The following HTR6 variants were observed in gnomAD, a reference collection of about 807,000 sequenced individuals.
HTR6 encodes the protein 5-hydroxytryptamine (serotonin) receptor 6, G protein-coupled.
In HTR6, 15 loss-of-function variants were observed where a neutral mutation model predicts 17.4. That is an observed-to-expected ratio of 0.86 (90% CI 0.58 to 1.33). HTR6 has a LOEUF of 1.33. Ranked by LOEUF, HTR6 falls within the 40% of genes most tolerant of loss-of-function variation. The probability of loss-of-function intolerance (pLI) is 0.00; values close to 1 mark genes in which losing one functional copy is unlikely to be tolerated. For missense variants in HTR6, 578 were observed against 616.0 expected, an observed-to-expected ratio of 0.94 and a Z score of 0.65; for synonymous variants, 326 against 295.5, an observed-to-expected ratio of 1.10 and a Z score of -1.06.
chr1:19,669,527 G>A lies in HTR6; in HGVS notation c.714+3060G>A, dbSNP rs1158687720. On this transcript the variant is annotated intron_variant, in intron 1 of 2. Coordinates refer to ENST00000289753, the MANE Select transcript of HTR6 (RefSeq NM_000871.3). ...GCTGGTGCCATCGCCCTGTGCTGGT[G>A]TGCTGCCTGTGGGCAGTGATGCTCT... is the stretch of plus-strand genomic sequence containing the variant. 2.0e-5 allele frequency among the ~76,000 whole-genome samples: 3 copies of A among 152,166 alleles called. No individual in the cohort carries two copies. In the East Asian group the frequency reaches 5.8e-4, roughly 29 times the overall value.
chr1:19,670,210 G>A (rs554867495), intron 1 of HTR6, among the ~76,000 whole-genome samples: 23 of 151,614 alleles, frequency 1.5e-4, no homozygotes, highest in Admixed American at 1.3e-3. Context: ...CCTTTCTTCA[G>A]GTCTCCACCC....
chr1:19,665,924 G>A lies in HTR6; in HGVS notation c.171G>A (p.Leu57=). The A allele has an allele frequency of 6.2e-7, 1 of 1,613,510 alleles. No homozygotes were observed. ...CGCTCATCTGCACTCAGCCCGCGCT[G>A]CGCAACACGTCCAACTTCTTCCTGG... The part of the protein sequence containing the change: ...LIALICTQPA[L]RNTSNFFLVS... The change falls in exon 1 of 3, where the codon CTG becomes CTA. Residue 57 remains leucine (L), a synonymous_variant. Transcript: ENST00000289753. This position sits in a 1 kb window ranked among gnomAD's most constrained non-coding sequence, Gnocchi z 4.2.
chr1:19,677,372 TC>T (rs975368140), intron 1 of HTR6, among the ~76,000 whole-genome samples: 3 of 152,052 alleles, frequency 2.0e-5, no homozygotes, highest in Admixed American at 2.0e-4. Context: ...AATTCTAACC[TC>T]CCCGGGCCCA....
At chr1:19,670,970 T>C (rs72961757) in intron 1 of HTR6, among the ~76,000 whole-genome samples, 3,247 of 152,248 alleles carry the variant, frequency 0.021, 66 homozygotes, top group African/African-American at 0.057. Flanking sequence ...ATCGTGTGAA[T>C]TCATTTGCTT....
chr1:19,669,368 T>C (rs2095085130), intron 1 of HTR6, among the ~76,000 whole-genome samples: 1 of 152,194 alleles, frequency 6.6e-6, no homozygotes, highest in African/African-American at 2.4e-5. Context: ...GCTAAACTTA[T>C]TAATTCCCCA....
chr1:19,670,193 G>T lies in HTR6; in HGVS notation c.714+3726G>T, dbSNP rs144410448. ...GCCTCACTTGCGGTTCCTTCTGCTT[G>T]GAGTGCCCTTTCTTCAGGTCTCCAC... On this transcript the variant is annotated intron_variant, in intron 1 of 2. Coordinates refer to ENST00000289753, the MANE Select transcript of HTR6 (RefSeq NM_000871.3). Among the ~76,000 whole-genome samples, 348 of 151,730 alleles carry T rather than the reference G, an allele frequency of 2.3e-3. 1 individual carries two copies. Among genetic ancestry groups the T allele is most frequent in the Middle Eastern group, 6.8e-3 (2 of 294 alleles).
chr1:19,668,098 G>C (rs1264640138), intron 1 of HTR6, among the ~76,000 whole-genome samples: 2 of 152,222 alleles, frequency 1.3e-5, no homozygotes, highest in African/African-American at 4.8e-5. Context: ...ACATGGACTG[G>C]GAGTCCTGGC....
chr1:19,680,952 C>T lies in HTR6; in HGVS notation c.*1584C>T, dbSNP rs1459478088. On this transcript the variant is annotated 3_prime_UTR_variant, in exon 3 of 3. Transcript: ENST00000289753. ...TCTGCCCAAGGGGACTCTCAATAAA[C>T]TCTAGCTGAAGGCAGTGGCTGTGGT... 2.0e-5 allele frequency among the ~76,000 whole-genome samples: 3 copies of T among 152,152 alleles called. No individual in the cohort carries two copies. Among genetic ancestry groups the T allele is most frequent in the Non-Finnish European group, 2.9e-5 (2 of 68,028 alleles).
At chr1:19,674,944 G>A (rs1004638473) in intron 1 of HTR6, among the ~76,000 whole-genome samples, 3 of 152,230 alleles carry the variant, frequency 2.0e-5, no homozygotes, top group Non-Finnish European at 2.9e-5. Flanking sequence ...AAGGGGCTGC[G>A]AGGTGCTTAT....
intron 1 of HTR6, among the ~76,000 whole-genome samples, chr1:19,671,420 G>C (rs372947705): frequency 5.3e-5 from 8 of 152,096 alleles, no homozygotes; most frequent in Non-Finnish European, 8.8e-5. Flanking sequence ...AAATCCACTC[G>C]GCTCCTTAAG....
At position 19,680,506 on chromosome 1, in the gene HTR6, T is replaced by TG. The variant is rs1013650301; in HGVS notation, c.*1144dup. On this transcript the variant is annotated 3_prime_UTR_variant, in exon 3 of 3. Transcript: ENST00000289753. Reference sequence around the variant, plus strand: ...CCTCAGAACTGGTTTTCCTCAATCCTGGGGGGTCCTTGGACCTAGAAGGGA... The same window carrying TG: ...CCTCAGAACTGGTTTTCCTCAATCCTGGGGGGGTCCTTGGACCTAGAAGGGA... 5.3e-5 allele frequency among the ~76,000 whole-genome samples: 8 copies of TG among 152,146 alleles called. No individual in the cohort carries two copies. Among genetic ancestry groups the TG allele is most frequent in the African/African-American group, 1.7e-4 (7 of 41,436 alleles).
At chr1:19,671,858 G>C (rs572043802) in intron 1 of HTR6, among the ~76,000 whole-genome samples, 32 of 152,268 alleles carry the variant, frequency 2.1e-4, no homozygotes, top group Non-Finnish European at 3.7e-4. Flanking sequence ...ATTTCCACTA[G>C]GTCTTCCCAC....
chr1:19,678,915 C>A lies in HTR6; in HGVS notation c.874-4C>A, dbSNP rs199996656. On this transcript the variant is annotated splice_region_variant and splice_polypyrimidine_tract_variant and intron_variant, in intron 2 of 2. Coordinates refer to ENST00000289753, the MANE Select transcript of HTR6 (RefSeq NM_000871.3). ...ACCAGGCATGATGCATCCCCTCCCC[C>A]CAGGCCGTGTGCGACTGCATCTCCC... The A allele has an allele frequency of 2.1e-5, 33 of 1,590,510 alleles. No homozygotes were observed. The South Asian group carries it at 2.8e-4, about 14-fold the overall frequency.
Position 19,679,643 on chromosome 1 carries a change from G to C in HTR6, c.*275G>C, listed in dbSNP as rs1381991224. On this transcript the variant is annotated 3_prime_UTR_variant, in exon 3 of 3. Transcript: ENST00000289753. The surrounding 1 kb of genome is among the most constrained non-coding windows in gnomAD (Gnocchi z 4.9). ...GGGCTGGAGGACTCTGGATGTTGGG[G>C]AGAAGGACCTCTTGGTTCAGGTTAG... is the stretch of plus-strand genomic sequence containing the variant. 2 of 449,888 alleles carry C rather than the reference G, an allele frequency of 4.4e-6. No individual in the cohort carries two copies. Among genetic ancestry groups the C allele is most frequent in the Non-Finnish European group, 7.8e-6 (2 of 256,460 alleles). The allele number at this position is 449,888 out of a possible 1,614,324, so 27.9% of individuals were successfully genotyped here. A position where few individuals can be genotyped will look rare whatever the true frequency, so the allele number is the denominator to read the frequency against.
At chr1:19,671,218 C>A (rs564735994) in intron 1 of HTR6, among the ~76,000 whole-genome samples, 41 of 152,288 alleles carry the variant, frequency 2.7e-4, no homozygotes, top group African/African-American at 9.9e-4. Context: ...AAAGCACTCA[C>A]ACCAAGCCCT....
rs1348611467 is a variant in HTR6, at chr1:19,679,254, G to C, written c.1209G>C (p.Glu403Asp). ...RLTAQLLLPG[E>D]ATQDPPLPTR... Reference sequence around the variant, plus strand: ...CGGCCCAGCTGCTGCTTCCTGGCGAGGCCACCCAGGACCCCCCGCTGCCCA... The same window carrying C: ...CGGCCCAGCTGCTGCTTCCTGGCGACGCCACCCAGGACCCCCCGCTGCCCA... Residue 403 changes from glutamate to aspartate, a missense_variant, in exon 3 of 3, where the codon GAG becomes GAC. Physicochemically the swap from Glu to Asp is conservative, Grantham distance 45. Coordinates refer to ENST00000289753, the MANE Select transcript of HTR6 (RefSeq NM_000871.3). This position sits in a 1 kb window ranked among gnomAD's most constrained non-coding sequence, Gnocchi z 4.9. 5.0e-6 allele frequency: 8 copies of C among 1,595,488 alleles called. No individual in the cohort carries two copies. Among genetic ancestry groups the C allele is most frequent in the Non-Finnish European group, 6.8e-6 (8 of 1,173,194 alleles).
At chr1:19,675,794 T>C (rs905503242) in intron 1 of HTR6, among the ~76,000 whole-genome samples, 10 of 151,980 alleles carry the variant, frequency 6.6e-5, no homozygotes, top group Admixed American at 6.6e-4. Context: ...GTGTGGCAGG[T>C]CTTAGGAGAT....
In HTR6 at chr1:19,679,016, T is replaced by C. The variant is rs765191157; in HGVS notation, c.971T>C (p.Met324Thr). ...AACCCCATCATCTACCCACTCTTCA[T>C]GCGGGACTTCAAGCGGGCGCTGGGC... ...TMNPIIYPLF[M>T]RDFKRALGRF... Residue 324 changes from methionine to threonine, a missense_variant, in exon 3 of 3, where the codon ATG becomes ACG. Coordinates refer to ENST00000289753, the MANE Select transcript of HTR6 (RefSeq NM_000871.3). The surrounding 1 kb of genome is among the most constrained non-coding windows in gnomAD (Gnocchi z 4.9). 2.5e-6 allele frequency: 4 copies of C among 1,614,012 alleles called. No individual in the cohort carries two copies. The highest frequency in any genetic ancestry group is 1.3e-5 in the African/African-American group (1 of 74,914).
rs1324041918 is a variant in HTR6 at position 19,666,885 on chromosome 1, G to C, written c.714+418G>C. ...GCCATCTCCCCTGCCACTTCCTACCGGGGAGGCTGTGTAGACTTCTCCTGG... is the reference window on the plus strand; with the variant it reads ...GCCATCTCCCCTGCCACTTCCTACCCGGGAGGCTGTGTAGACTTCTCCTGG... On this transcript the variant is annotated intron_variant, in intron 1 of 2. Transcript: ENST00000289753. This position sits in a 1 kb window ranked among gnomAD's most constrained non-coding sequence, Gnocchi z 4.5. Among the ~76,000 whole-genome samples, 2 of 151,972 alleles carry C rather than the reference G, an allele frequency of 1.3e-5. No individual in the cohort carries two copies. The highest frequency in any genetic ancestry group is 2.9e-5 in the Non-Finnish European group (2 of 67,992).
Sources: gnomAD v4.1 joint callset for allele counts (sites outside exome capture counted in the v4.1 genomes callset) on GRCh38, gnomAD v4.1.1 for gene constraint, Gnocchi (gnomAD v3.1) non-coding constraint, MANE v1.5 for transcripts, NCBI Gene and HGNC (gene_info 2026-07-23, HGNC 2026-07-21) for gene names.